KIR3DL1: variants seen among roughly 807,000 people sequenced by gnomAD.
KIR3DL1 encodes killer cell immunoglobulin-like receptor 3DL1.
A neutral mutation model predicts 40.3 loss-of-function variants in KIR3DL1; 50 were observed. The observed-to-expected ratio is 1.24, with a 90% CI of 0.99 to 1.57. The LOEUF (loss-of-function observed/expected upper bound fraction) is 1.57, where lower values mean the gene tolerates loss of function less well. KIR3DL1 is among the 40% of genes most tolerant of loss of function. The pLI is 0.00. For synonymous variants in KIR3DL1, 257 were observed against 207.2 expected, an observed-to-expected ratio of 1.24 and a Z score of -2.07; for missense variants, 661 against 559.9, an observed-to-expected ratio of 1.18 and a Z score of -1.82.
intron 5 of KIR3DL1, among the ~76,000 whole-genome samples, chr19:54,824,672 T>A (rs10402857): frequency 0.3 from 42,823 of 144,702 alleles, 7,241 homozygotes; most frequent in East Asian, 0.51. Context: ...CAAGATTCTA[T>A]CACACACACA....
At chr19:54,825,596 G>A (rs1203358461) in intron 6 of KIR3DL1, among the ~76,000 whole-genome samples, 1 of 150,060 alleles carries the variant, frequency 6.7e-6, no homozygotes, top group Admixed American at 6.6e-5. Context: ...TGCTCAGGCT[G>A]TGCAGTTGGA....
chr19:54,821,003 A>ATGATGAT (rs772112962), intron 4 of KIR3DL1, among the ~76,000 whole-genome samples: 1 of 150,062 alleles, frequency 6.7e-6, no homozygotes, highest in Non-Finnish European at 1.5e-5. Context: ...TGATACATAG[A>ATGATGAT]GATGACGATG....
In KIR3DL1 at chr19:54,818,515, G is replaced by T. The variant is rs753136962; in HGVS notation, c.271G>T (p.Gly91Trp). 22 of 1,611,420 alleles carry T rather than the reference G, an allele frequency of 1.4e-5. No homozygotes were observed. The Admixed American group carries it at 3.7e-4, about 27-fold the overall frequency. ...GAGCCCTGTGACCACAGCACATGCA[G>T]GGAACTACACATGTCGGGGTTCACA... Residue 91 changes from glycine to tryptophan, a missense_variant, in exon 3 of 9, where the codon GGG (glycine) becomes TGG (tryptophan). Around this residue, in one of 3 missense-constraint regions of KIR3DL1, gnomAD observed 548 missense variants for 413.3 expected, o/e 1.33. Coordinates refer to ENST00000391728, the Ensembl canonical transcript of KIR3DL1.
At chr19:54,827,720 G>A (rs1462365349) in intron 6 of KIR3DL1, among the ~76,000 whole-genome samples, 1 of 150,576 alleles carries the variant, frequency 6.6e-6, no homozygotes, top group African/African-American at 2.5e-5. Context: ...TTACTTCTTT[G>A]ATCCTTTATC....
chr19:54,819,489 A>G (rs2061521815), intron 3 of KIR3DL1, among the ~76,000 whole-genome samples: 1 of 151,290 alleles, frequency 6.6e-6, no homozygotes, highest in African/African-American at 2.4e-5. Flanking sequence ...GGCTGTCTTC[A>G]CAGTGGCAAG....
At chr19:54,821,490 A>C in intron 4 of KIR3DL1, 75 bp from the exon 5 acceptor site, 3 of 1,491,402 alleles carry the variant, frequency 2.0e-6, no homozygotes, top group South Asian at 2.4e-5. Flanking sequence ...CAGGGGAGTG[A>C]GTTCTCAGCT....
Position 54,820,517 on chromosome 19 carries a change from C to T in KIR3DL1, c.655+505C>T, listed in dbSNP as rs144011110. 1.2e-4 allele frequency among the ~76,000 whole-genome samples: 18 copies of T among 151,442 alleles called. 1 individual carries two copies. Among genetic ancestry groups the T allele is most frequent in the African/African-American group, 4.1e-4 (17 of 41,050 alleles). ...AGTAATCATCCCAGGATATCATGGC[C>T]CCTGAACACCAACCCCTGTATGCTG... On this transcript the variant is annotated intron_variant, in intron 4 of 8. Transcript: ENST00000391728.
chr19:54,830,380 A>G, exon 9 of KIR3DL1: 4 of 1,270,046 alleles, frequency 3.1e-6, no homozygotes, highest in Non-Finnish European at 4.5e-6. Flanking sequence ...TGAAGGCGTG[A>G]GTCTTCATCT....
At chr19:54,819,843 G>A in exon 4 of KIR3DL1, 6 of 1,591,098 alleles carry the variant, frequency 3.8e-6, no homozygotes. Flanking sequence ...GGATCTCTAA[G>A]GACCCCTCAC....
intron 4 of KIR3DL1, among the ~76,000 whole-genome samples, chr19:54,821,009 C>T (rs375391763): frequency 5.1e-5 from 6 of 117,272 alleles, no homozygotes; most frequent in Non-Finnish European, 9.8e-5. Flanking sequence ...ATAGAGATGA[C>T]GATGATGATG....
At chr19:54,816,650 AAGTGGAGATCTGGGCCTGG>A (rs752223513) in intron 1 of KIR3DL1, 116 bp downstream of exon 1, 15 of 1,157,380 alleles carry the variant, frequency 1.3e-5, no homozygotes, top group African/African-American at 4.1e-5. Flanking sequence ...TATGGGCCTG[AAGTGGAGATCTGGGCCTGG>A]AGTGGAGATC....
In KIR3DL1 at chr19:54,821,389, T is replaced by A. The variant is rs1241974426; in HGVS notation, c.656-176T>A. 1.3e-5 allele frequency among the ~76,000 whole-genome samples: 2 copies of A among 150,522 alleles called. 1 individual carries two copies. The highest frequency in any genetic ancestry group is 3.0e-5 in the Non-Finnish European group (2 of 67,790). ...GGGTGGGGAAGTGAGGTCATAGACC[T>A]AGAGAGACAGAAAAGGTAGAAGGAG... On this transcript the variant is annotated intron_variant, in intron 4 of 8. Transcript: ENST00000391728.
At chr19:54,817,054 G>C (rs1351333361) in intron 1 of KIR3DL1, among the ~76,000 whole-genome samples, 4 of 149,326 alleles carry the variant, frequency 2.7e-5, no homozygotes, top group South Asian at 2.2e-4. Flanking sequence ...TATGATCCTG[G>C]AGTGGAGATA....
rs1231873703 is a variant in KIR3DL1 at position 54,819,700 on chromosome 19, C to T, written c.356-13C>T. The T allele has an allele frequency of 6.2e-7, 1 of 1,604,914 alleles. No homozygotes were observed. The highest frequency in any genetic ancestry group is 8.5e-7 in the Non-Finnish European group (1 of 1,175,620). On this transcript the variant is annotated splice_polypyrimidine_tract_variant and intron_variant, in intron 3 of 8. Coordinates refer to ENST00000391728, the Ensembl canonical transcript of KIR3DL1. ...AGAGAGATGCCTTCTAAACTCACAACTTCTCTTTCTAGGAAACCACAGAAA... is the reference window on the plus strand; with the variant it reads ...AGAGAGATGCCTTCTAAACTCACAATTTCTCTTTCTAGGAAACCACAGAAA...
intron 6 of KIR3DL1, among the ~76,000 whole-genome samples, chr19:54,826,837 G>C (rs2061921019): frequency 6.6e-6 from 1 of 151,504 alleles, no homozygotes; most frequent in Non-Finnish European, 1.5e-5. Context: ...TGCTGGGAAT[G>C]AGGTGGGGAG....
At chr19:54,828,149 T>C (rs199607419) in intron 6 of KIR3DL1, among the ~76,000 whole-genome samples, 5 of 150,644 alleles carry the variant, frequency 3.3e-5, no homozygotes, top group South Asian at 2.1e-4. Flanking sequence ...TCACAAAGAG[T>C]AGCACATTTC....
At chr19:54,818,854 TTGA>T (rs1455823194) in intron 3 of KIR3DL1, among the ~76,000 whole-genome samples, 1 of 150,932 alleles carries the variant, frequency 6.6e-6, no homozygotes, top group African/African-American at 2.5e-5. Context: ...GCTCAGGTTG[TTGA>T]TGAGTTGACC....
At chr19:54,816,899 G>A (rs1215186226) in intron 1 of KIR3DL1, among the ~76,000 whole-genome samples, 1 of 142,304 alleles carries the variant, frequency 7.0e-6, no homozygotes, top group Admixed American at 7.0e-5. Flanking sequence ...TATGGGCCTG[G>A]AGGTGGAGTT....
intron 3 of KIR3DL1, 79 bp from the exon 4 acceptor site, chr19:54,819,634 G>A (rs1387739337): frequency 1.3e-6 from 2 of 1,495,366 alleles, no homozygotes; most frequent in Middle Eastern, 2.4e-4. Flanking sequence ...CACGGGGAGG[G>A]GAACCCTCAC....
Sources: allele counts gnomAD v4.1 joint callset (sites outside exome capture counted in the v4.1 genomes callset), GRCh38; gene constraint gnomAD v4.1.1; regional missense constraint gnomAD v4.1.1; transcripts MANE v1.5; gene names NCBI Gene and HGNC (gene_info 2026-07-23, HGNC 2026-07-21).